UNC5C: variants seen among roughly 807,000 people sequenced by gnomAD.
UNC5C encodes the protein netrin receptor UNC5C.
A neutral mutation model predicts 99.8 loss-of-function variants in UNC5C; 47 were observed. That is an observed-to-expected ratio of 0.47 (90% CI 0.37 to 0.60). UNC5C has a LOEUF of 0.60. UNC5C is among the 20% of genes least tolerant of loss of function. The pLI is 0.00. For synonymous variants in UNC5C, 487 were observed against 452.2 expected, an observed-to-expected ratio of 1.08 and a Z score of -0.98; for missense variants, 1,062 against 1,165.9, an observed-to-expected ratio of 0.91 and a Z score of 1.30.
At chr4:95,311,410 C>T (rs902585670) in intron 2 of UNC5C, among the ~76,000 whole-genome samples, 5 of 152,076 alleles carry the variant, frequency 3.3e-5, no homozygotes, top group African/African-American at 1.2e-4. Flanking sequence ...CCTAAAACAC[C>T]GAATATATTA....
intron 1 of UNC5C, among the ~76,000 whole-genome samples, chr4:95,493,359 C>T (rs966054889): frequency 3.3e-5 from 5 of 151,260 alleles, no homozygotes; most frequent in South Asian, 2.1e-4. Context: ...AATTACAATG[C>T]GGAATTCATG....
At chr4:95,277,490 T>C (rs1740905444) in intron 4 of UNC5C, among the ~76,000 whole-genome samples, 1 of 152,204 alleles carries the variant, frequency 6.6e-6, no homozygotes, top group Non-Finnish European at 1.5e-5. Flanking sequence ...GATTTATTTG[T>C]TAACAAATGA....
At chr4:95,225,434 G>A (rs1229128585) in intron 7 of UNC5C, among the ~76,000 whole-genome samples, 1 of 152,042 alleles carries the variant, frequency 6.6e-6, no homozygotes, top group Non-Finnish European at 1.5e-5. Context: ...AAATCACTTT[G>A]GTTTCTATAG....
At chr4:95,171,416 G>C (rs1375594067) in intron 14 of UNC5C, among the ~76,000 whole-genome samples, 2 of 115,436 alleles carry the variant, frequency 1.7e-5, no homozygotes, top group Non-Finnish European at 3.4e-5. Context: ...ACAGTCCCCA[G>C]AGTGTGATGT....
chr4:95,504,164 C>G (rs963311301), intron 1 of UNC5C, among the ~76,000 whole-genome samples: 1 of 152,082 alleles, frequency 6.6e-6, no homozygotes, highest in African/African-American at 2.4e-5. Context: ...AATGAACATT[C>G]AGTGGATGGT....
intron 1 of UNC5C, among the ~76,000 whole-genome samples, chr4:95,386,889 A>G (rs978486235): frequency 3.9e-5 from 6 of 152,104 alleles, no homozygotes; most frequent in African/African-American, 1.4e-4. Context: ...GGACATTCAT[A>G]TGGGTTATAA....
In UNC5C at chr4:95,335,404, A is replaced by G; in HGVS notation, c.346+6T>C. The stretch of plus-strand genomic sequence containing the variant: ...AAGTGCAATGCAAATGCAATGGAAA[A>G]CTCACCGGAAGTTTCATCTACTCTT... On this transcript the variant is annotated splice_donor_region_variant and intron_variant, in intron 2 of 15. Transcript: ENST00000453304. The G allele has an allele frequency of 6.2e-7, 1 of 1,609,472 alleles. No homozygotes were observed. The highest frequency in any genetic ancestry group is 8.5e-7 in the Non-Finnish European group (1 of 1,177,132).
At chr4:95,410,315 A>C (rs1399440718) in intron 1 of UNC5C, among the ~76,000 whole-genome samples, 1 of 152,092 alleles carries the variant, frequency 6.6e-6, no homozygotes, top group Admixed American at 6.5e-5. Context: ...GATACCTCCT[A>C]CTAGGTCCCA....
intron 1 of UNC5C, among the ~76,000 whole-genome samples, chr4:95,481,255 C>T (rs1322535957): frequency 3.3e-5 from 5 of 152,070 alleles, no homozygotes; most frequent in Non-Finnish European, 7.3e-5. Flanking sequence ...AGCTCCCATT[C>T]ACAATTGCTT....
chr4:95,342,955 G>A (rs139926362), intron 1 of UNC5C, among the ~76,000 whole-genome samples: 39 of 151,972 alleles, frequency 2.6e-4, no homozygotes, highest in African/African-American at 7.2e-4. Flanking sequence ...AGGGAAGAGC[G>A]GGAGAAACTT....
chr4:95,505,208 C>T (rs536746592), intron 1 of UNC5C, among the ~76,000 whole-genome samples: 6 of 152,156 alleles, frequency 3.9e-5, no homozygotes, highest in East Asian at 1.9e-4. Flanking sequence ...GAACAACTTA[C>T]GGCCTCCAAA....
At chr4:95,367,203 T>TTC (rs1553967072) in intron 1 of UNC5C, among the ~76,000 whole-genome samples, 1 of 151,260 alleles carries the variant, frequency 6.6e-6, no homozygotes, top group African/African-American at 2.4e-5. Flanking sequence ...TTTTTTTTTT[T>TTC]CAAAGAAAAA....
At chr4:95,347,371 A>T (rs1368275363) in intron 1 of UNC5C, among the ~76,000 whole-genome samples, 1 of 152,024 alleles carries the variant, frequency 6.6e-6, no homozygotes, top group Non-Finnish European at 1.5e-5. Context: ...CCTTATCAAA[A>T]TATCAATGAC....
At chr4:95,367,061 G>C (rs1744594530) in intron 1 of UNC5C, among the ~76,000 whole-genome samples, 1 of 152,054 alleles carries the variant, frequency 6.6e-6, no homozygotes, top group Admixed American at 6.6e-5. Flanking sequence ...ATTAGGTAGG[G>C]CAGAGTTTAT....
At chr4:95,259,961 A>G (rs1740159333) in intron 4 of UNC5C, among the ~76,000 whole-genome samples, 1 of 152,110 alleles carries the variant, frequency 6.6e-6, no homozygotes, top group Non-Finnish European at 1.5e-5. Flanking sequence ...TCTCAGCCCC[A>G]TACCATGGCA....
chr4:95,362,050 T>C (rs184699770), intron 1 of UNC5C, among the ~76,000 whole-genome samples: 14 of 152,050 alleles, frequency 9.2e-5, no homozygotes, highest in Non-Finnish European at 1.9e-4. Context: ...AAAAACACAC[T>C]GGACTCAGTG....
intron 1 of UNC5C, among the ~76,000 whole-genome samples, chr4:95,469,975 A>G (rs1747916527): frequency 6.6e-6 from 1 of 152,168 alleles, no homozygotes; most frequent in South Asian, 2.1e-4. Flanking sequence ...TACAGTATGT[A>G]CTAAGGTGAA....
At chr4:95,306,131 T>C (rs1321940944) in intron 2 of UNC5C, among the ~76,000 whole-genome samples, 1 of 152,196 alleles carries the variant, frequency 6.6e-6, no homozygotes, top group Non-Finnish European at 1.5e-5. Flanking sequence ...TTATGCTAAG[T>C]TGCAGAAATG....
intron 1 of UNC5C, among the ~76,000 whole-genome samples, chr4:95,541,224 C>G (rs1352272213): frequency 1.3e-5 from 2 of 152,108 alleles, no homozygotes; most frequent in Non-Finnish European, 2.9e-5. Flanking sequence ...CAGAAACAAA[C>G]AATTCGTAAG....
Sources: allele counts gnomAD v4.1 joint callset (sites outside exome capture counted in the v4.1 genomes callset), GRCh38; gene constraint gnomAD v4.1.1; transcripts MANE v1.5; gene names NCBI Gene and HGNC (gene_info 2026-07-23, HGNC 2026-07-21).